Variants in ZNF740 observed in about 807,000 individuals in gnomAD.
ZNF740 encodes the protein oriLyt TD-element-binding protein 7.
ZNF740 carries 14 observed loss-of-function variants against 24.8 expected under a neutral mutation model. That is an observed-to-expected ratio of 0.56 (90% CI 0.37 to 0.88). The LOEUF is 0.88. ZNF740 is among the 40% of genes least tolerant of loss of function. The probability of loss-of-function intolerance (pLI) is 0.00; values close to 1 mark genes in which losing one functional copy is unlikely to be tolerated. For synonymous variants in ZNF740, 69 were observed against 84.0 expected, an observed-to-expected ratio of 0.82 and a Z score of 0.98; for missense variants, 201 against 247.9, an observed-to-expected ratio of 0.81 and a Z score of 1.27.
At chr12:53,185,622 G>T (rs1299374154) in intron 4 of ZNF740, 146 bp downstream of exon 4, 1 of 771,572 alleles carries the variant, frequency 1.3e-6, no homozygotes, top group Non-Finnish European at 2.1e-6. Flanking sequence ...ATTTCATCCA[G>T]AGACTACCTT....
Position 53,194,406 on chromosome 12 carries a change from A to G in ZNF740, c.*6816A>G. On this transcript the variant is annotated 3_prime_UTR_variant, in exon 7 of 7. Transcript: ENST00000416904. The stretch of plus-strand genomic sequence containing the variant: ...CAGAAAAGGACTCCAACCCCACCTT[A>G]TGTCCTCTCCAGGTGTTCCCAATTC... 1.3e-6 allele frequency: 2 copies of G among 1,543,960 alleles called. No individual in the cohort carries two copies. The highest frequency in any genetic ancestry group is 1.8e-6 in the Non-Finnish European group (2 of 1,127,492).
rs1459087647 is a variant in ZNF740 at position 53,191,079 on chromosome 12, A to G, written c.*3489A>G. On this transcript the variant is annotated 3_prime_UTR_variant, in exon 7 of 7. Transcript: ENST00000416904. ...CAGGACGGAAGGAGGCTAGACACCA[A>G]CAGATGCAGTGTCTCTGACCTGGGA... is the stretch of plus-strand genomic sequence containing the variant. 1.0e-5 allele frequency: 2 copies of G among 200,306 alleles called. No homozygotes were observed. The highest frequency in any genetic ancestry group is 1.1e-4 in the East Asian group (1 of 8,716). The allele number at this position is 200,306 out of a possible 1,614,324, so 12.4% of individuals were successfully genotyped here.
Position 53,180,896 on chromosome 12 carries a change from C to T in ZNF740, c.-308+59C>T, listed in dbSNP as rs543329591. Reference sequence around the variant, plus strand: ...CGTACAGACGGCAGCGCTTCAGTAGCTCGCAAGCCGTGGGGTGCCGCGCGG... The same window carrying T: ...CGTACAGACGGCAGCGCTTCAGTAGTTCGCAAGCCGTGGGGTGCCGCGCGG... On this transcript the variant is annotated intron_variant, in intron 1 of 6. Coordinates refer to ENST00000416904, the MANE Select transcript of ZNF740 (RefSeq NM_001004304.4). 91 of 1,149,300 alleles carry T rather than the reference C, an allele frequency of 7.9e-5. No homozygotes were observed. In the South Asian group the frequency reaches 1.3e-3, roughly 16 times the overall value. The allele number at this position is 1,149,300 out of a possible 1,614,324, so 71.2% of individuals were successfully genotyped here.
Position 53,192,569 on chromosome 12 carries a change from T to A in ZNF740, c.*4979T>A. 1 of 1,609,248 alleles carries A rather than the reference T, an allele frequency of 6.2e-7. No individual in the cohort carries two copies. On this transcript the variant is annotated 3_prime_UTR_variant, in exon 7 of 7. Coordinates refer to ENST00000416904, the MANE Select transcript of ZNF740 (RefSeq NM_001004304.4). ...TAGTAGATGCCAATAGGTTACCAGC[T>A]GGGCAGTTGTCACCCAATGCCCCTT...
intron 2 of ZNF740, 95 bp downstream of exon 2, chr12:53,182,087 C>A: frequency 6.6e-7 from 1 of 1,516,748 alleles, no homozygotes; most frequent in Non-Finnish European, 9.0e-7. Context: ...TGACCAACCC[C>A]AGTGATCCAA....
At chr12:53,184,015 C>A (rs572650592) in intron 2 of ZNF740, among the ~76,000 whole-genome samples, 2 of 151,432 alleles carry the variant, frequency 1.3e-5, no homozygotes, top group Non-Finnish European at 2.9e-5. Context: ...CAGAGTGACA[C>A]CCTGTCTCAA....
In ZNF740 at chr12:53,181,925, A is replaced by G; in HGVS notation, c.-59A>G. On this transcript the variant is annotated 5_prime_UTR_variant, in exon 2 of 7. Coordinates refer to ENST00000416904, the MANE Select transcript of ZNF740 (RefSeq NM_001004304.4). ...CAGTTCTTCAAAACGACAGTGTCTC[A>G]AGGAAAGGTGGACCTAGGAACTCCT... 1.3e-6 allele frequency: 2 copies of G among 1,587,654 alleles called. No homozygotes were observed. The highest frequency in any genetic ancestry group is 2.3e-5 in the South Asian group (2 of 87,020).
In ZNF740 at chr12:53,193,428, C is replaced by T. The variant is rs1005055561; in HGVS notation, c.*5838C>T. On this transcript the variant is annotated 3_prime_UTR_variant, in exon 7 of 7. Coordinates refer to ENST00000416904, the MANE Select transcript of ZNF740 (RefSeq NM_001004304.4). ...TTTGATCACCCCTGACTTGTCTCTC[C>T]CAGGAACCTCTAAACCCAAGTTCTC... The T allele has an allele frequency of 2.1e-5, 26 of 1,211,666 alleles. No individual in the cohort carries two copies. The highest frequency in any genetic ancestry group is 1.1e-4 in the Admixed American group (4 of 35,288). 75.1% of individuals were successfully genotyped at this position (1,211,666 alleles called of 1,614,324 possible). A position where few individuals can be genotyped will look rare whatever the true frequency, so the allele number is the denominator to read the frequency against.
At position 53,187,562 on chromosome 12, in the gene ZNF740, A is replaced by C. The variant is rs532281582; in HGVS notation, c.554A>C (p.Lys185Thr). The C allele has an allele frequency of 6.2e-7, 1 of 1,614,008 alleles. No individual in the cohort carries two copies. The highest frequency in any genetic ancestry group is 1.3e-5 in the African/African-American group (1 of 75,038). ...HKRMCQGCQSKTSDGQFSL is the reference protein window; with the variant it reads ...HKRMCQGCQSTTSDGQFSL ...CGGATGTGCCAAGGGTGCCAGTCCAAGACTTCCGACGGGCAGTTTTCTCTA... is the reference window on the plus strand; with the variant it reads ...CGGATGTGCCAAGGGTGCCAGTCCACGACTTCCGACGGGCAGTTTTCTCTA... Residue 185 changes from lysine to threonine, a missense_variant, in exon 7 of 7, where the codon AAG becomes ACG. Coordinates refer to ENST00000416904, the MANE Select transcript of ZNF740 (RefSeq NM_001004304.4).
Position 53,193,061 on chromosome 12 carries a change from C to A in ZNF740, c.*5471C>A. The A allele has an allele frequency of 7.0e-7, 1 of 1,429,124 alleles. No homozygotes were observed. The highest frequency in any genetic ancestry group is 1.3e-5 in the South Asian group (1 of 79,348). The allele number at this position is 1,429,124 out of a possible 1,614,324, so 88.5% of individuals were successfully genotyped here. Reference sequence around the variant, plus strand: ...CCGGAATCTTTTGATATTTGCCTTCCATGCCAGGAGATTCCCAGAGCCTAA... The same window carrying A: ...CCGGAATCTTTTGATATTTGCCTTCAATGCCAGGAGATTCCCAGAGCCTAA... On this transcript the variant is annotated 3_prime_UTR_variant, in exon 7 of 7. Coordinates refer to ENST00000416904, the MANE Select transcript of ZNF740 (RefSeq NM_001004304.4).
In ZNF740 at chr12:53,181,948, C is replaced by G; in HGVS notation, c.-36C>G. On this transcript the variant is annotated 5_prime_UTR_variant, in exon 2 of 7. Coordinates refer to ENST00000416904, the MANE Select transcript of ZNF740 (RefSeq NM_001004304.4). ...TCAAGGAAAGGTGGACCTAGGAACT[C>G]CTGAACTTTTGGGTTGCCTTAAGTG... The G allele has an allele frequency of 6.2e-7, 1 of 1,602,172 alleles. No individual in the cohort carries two copies. The highest frequency in any genetic ancestry group is 1.1e-5 in the South Asian group (1 of 88,684).
chr12:53,181,422 A>G, intron 1 of ZNF740: 2 of 985,416 alleles, frequency 2.0e-6, no homozygotes, highest in Non-Finnish European at 2.4e-6. Flanking sequence ...CATTCCTGAG[A>G]TGGCAAATCC....
At position 53,194,266 on chromosome 12, in the gene ZNF740, C is replaced by T; in HGVS notation, c.*6676C>T. 2 of 1,614,040 alleles carry T rather than the reference C, an allele frequency of 1.2e-6. No individual in the cohort carries two copies. Among genetic ancestry groups the T allele is most frequent in the Non-Finnish European group, 1.7e-6 (2 of 1,180,000 alleles). On this transcript the variant is annotated 3_prime_UTR_variant, in exon 7 of 7. Coordinates refer to ENST00000416904, the MANE Select transcript of ZNF740 (RefSeq NM_001004304.4). ...GCCTTACCCTCCCTCTTCTCAGGAC[C>T]CTCACACTGGGATTCGTAAGAAATG...
rs769051437 is a variant in ZNF740, at chr12:53,187,604, C to T, written c.*14C>T. The T allele has an allele frequency of 2.4e-5, 39 of 1,610,968 alleles. No homozygotes were observed. Among genetic ancestry groups the T allele is most frequent in the African/African-American group, 5.3e-5 (4 of 74,856 alleles). On this transcript the variant is annotated 3_prime_UTR_variant, in exon 7 of 7. Coordinates refer to ENST00000416904, the MANE Select transcript of ZNF740 (RefSeq NM_001004304.4). ...TTTTCTCTATAGGCGCAAGGGGCCCCGGGTGGTGGGAGTGATCAGAAGAAC... is the reference window on the plus strand; with the variant it reads ...TTTTCTCTATAGGCGCAAGGGGCCCTGGGTGGTGGGAGTGATCAGAAGAAC...
intron 2 of ZNF740, chr12:53,182,286 G>GC: frequency 2.4e-6 from 1 of 413,868 alleles, no homozygotes; most frequent in Non-Finnish European, 4.3e-6. Context: ...GGGTGTAAGG[G>GC]AGTGAATAGT....
Position 53,192,165 on chromosome 12 carries a change from C to G in ZNF740, c.*4575C>G. On this transcript the variant is annotated 3_prime_UTR_variant, in exon 7 of 7. Coordinates refer to ENST00000416904, the MANE Select transcript of ZNF740 (RefSeq NM_001004304.4). ...GAGGTCCAAGGTTATCCTCACCGCCCAGGGCCTTAGCCTCGTCCACTTGCT... is the reference window on the plus strand; with the variant it reads ...GAGGTCCAAGGTTATCCTCACCGCCGAGGGCCTTAGCCTCGTCCACTTGCT... 1 of 1,216,078 alleles carries G rather than the reference C, an allele frequency of 8.2e-7. No homozygotes were observed. Among genetic ancestry groups the G allele is most frequent in the Non-Finnish European group, 1.1e-6 (1 of 871,394 alleles). The allele number at this position is 1,216,078 out of a possible 1,614,324, so 75.3% of individuals were successfully genotyped here. A position where few individuals can be genotyped will look rare whatever the true frequency, so the allele number is the denominator to read the frequency against.
At chr12:53,184,453 TG>T (rs1374667610) in intron 2 of ZNF740, among the ~76,000 whole-genome samples, 1 of 152,048 alleles carries the variant, frequency 6.6e-6, no homozygotes, top group Non-Finnish European at 1.5e-5. Context: ...CCCAAAGTGC[TG>T]GGATTATAGG....
In ZNF740 at chr12:53,192,833, T is replaced by C. The variant is rs749021735; in HGVS notation, c.*5243T>C. 7.4e-6 allele frequency: 12 copies of C among 1,614,104 alleles called. No individual in the cohort carries two copies. The East Asian group carries it at 8.9e-5, about 12-fold the overall frequency. ...CCCTCGGGACTGATGCAACTGTCCA[T>C]GTCCCCACTGCATTCGCATGCTCTG... On this transcript the variant is annotated 3_prime_UTR_variant, in exon 7 of 7. Coordinates refer to ENST00000416904, the MANE Select transcript of ZNF740 (RefSeq NM_001004304.4).
At position 53,185,997 on chromosome 12, in the gene ZNF740, C is replaced by T; in HGVS notation, c.293C>T (p.Pro98Leu). 6.2e-7 allele frequency: 1 copy of T among 1,613,784 alleles called. No individual in the cohort carries two copies. ...AATGGTTCTTTTCAAGTAAAGATTC[C>T]CAAAAATTTTGTTTGTGAACACTGC... The part of the protein sequence containing the change: ...EQNGSFQVKI[P>L]KNFVCEHCFG... The change falls in exon 5 of 7, where the codon CCC becomes CTC. Residue 98 changes from proline (P) to leucine (L), a missense_variant. Coordinates refer to ENST00000416904, the MANE Select transcript of ZNF740 (RefSeq NM_001004304.4).
Sources: gnomAD v4.1 joint callset for allele counts (sites outside exome capture counted in the v4.1 genomes callset) on GRCh38, gnomAD v4.1.1 for gene constraint, MANE v1.5 for transcripts, NCBI Gene and HGNC (gene_info 2026-07-23, HGNC 2026-07-21) for gene names.